COL22A1: variants seen among roughly 807,000 people sequenced by gnomAD.
COL22A1 encodes collagen alpha-1(XXII) chain.
In COL22A1, 221 loss-of-function variants were observed where a neutral mutation model predicts 248.9. The observed-to-expected ratio is 0.89, with a 90% CI of 0.80 to 0.99. COL22A1 has a LOEUF of 0.99. Ranked by LOEUF, COL22A1 falls within the 50% of genes least tolerant of loss-of-function variation. The pLI is 0.00. For synonymous variants in COL22A1, 891 were observed against 793.4 expected, an observed-to-expected ratio of 1.12 and a Z score of -2.07; for missense variants, 2,240 against 2,179.0, an observed-to-expected ratio of 1.03 and a Z score of -0.56.
intron 18 of COL22A1, among the ~76,000 whole-genome samples, chr8:138,756,507 GCCT>G (rs1281194478): frequency 1.3e-5 from 2 of 152,136 alleles, no homozygotes; most frequent in Admixed American, 6.5e-5. Flanking sequence ...TTTCTATGGT[GCCT>G]TATGGCTAAA....
intron 22 of COL22A1, among the ~76,000 whole-genome samples, chr8:138,743,723 T>C (rs1370139998): frequency 6.6e-6 from 1 of 152,216 alleles, no homozygotes; most frequent in African/African-American, 2.4e-5. Context: ...TTTAAATTGC[T>C]ACCCAGCACA....
In COL22A1 at chr8:138,594,125, C is replaced by T; in HGVS notation, c.4507G>A (p.Gly1503Arg). ...KSSQGRPGPPGPPGKDGLPGR... is the reference protein window; with the variant it reads ...KSSQGRPGPPRPPGKDGLPGR... ...GGAAGCCCATCTTTTCCAGGGGGCC[C>T]TGGGGGCCCAGGTCTGCCTTGAGAT... is the stretch of plus-strand genomic sequence containing the variant. Residue 1503 changes from glycine to arginine, a missense_variant, in exon 63 of 65, where the codon GGG (glycine) becomes AGG (arginine). Physicochemically the swap from Gly to Arg is moderately radical, Grantham distance 125. Transcript: ENST00000303045. The T allele has an allele frequency of 6.3e-7, 1 of 1,577,818 alleles. No homozygotes were observed. Among genetic ancestry groups the T allele is most frequent in the Non-Finnish European group, 8.6e-7 (1 of 1,168,894 alleles).
intron 39 of COL22A1, among the ~76,000 whole-genome samples, 154 bp downstream of exon 39, chr8:138,684,271 A>T (rs1323357180): frequency 1.3e-5 from 2 of 152,084 alleles, no homozygotes; most frequent in African/African-American, 4.8e-5. Flanking sequence ...AAAAAAAAAA[A>T]AAAAGTCCTA....
intron 27 of COL22A1, among the ~76,000 whole-genome samples, chr8:138,718,297 G>T (rs1829600330): frequency 6.6e-6 from 1 of 152,190 alleles, no homozygotes; most frequent in African/African-American, 2.4e-5. Flanking sequence ...AACCAGAATT[G>T]TGCAAATACT....
chr8:138,848,181 T>C (rs1195879995), intron 3 of COL22A1, among the ~76,000 whole-genome samples: 1 of 152,192 alleles, frequency 6.6e-6, no homozygotes, highest in Non-Finnish European at 1.5e-5. Flanking sequence ...ATTTTCCTTT[T>C]TGAAAACATG....
chr8:138,733,747 G>C (rs771830136), intron 23 of COL22A1, among the ~76,000 whole-genome samples: 5 of 152,156 alleles, frequency 3.3e-5, no homozygotes, highest in African/African-American at 4.8e-5. Flanking sequence ...CTGTGCTTTT[G>C]TTTGATGATG....
chr8:138,826,424 T>TGG (rs1280978132), intron 6 of COL22A1, among the ~76,000 whole-genome samples: 1 of 152,156 alleles, frequency 6.6e-6, no homozygotes, highest in East Asian at 1.9e-4. Context: ...AACTCAGTCT[T>TGG]CTTTACCCCC....
intron 12 of COL22A1, among the ~76,000 whole-genome samples, chr8:138,788,908 G>T (rs1049401609): frequency 6.6e-6 from 1 of 152,152 alleles, no homozygotes; most frequent in African/African-American, 2.4e-5. Flanking sequence ...GAAAGCAAAG[G>T]TTACAGGGCT....
At chr8:138,856,369 C>G (rs939502995) in intron 3 of COL22A1, among the ~76,000 whole-genome samples, 4 of 152,030 alleles carry the variant, frequency 2.6e-5, no homozygotes, top group African/African-American at 9.7e-5. Context: ...AGTGGGGGTG[C>G]TGGCCTTGGA....
chr8:138,866,627 C>T (rs1822916629), intron 3 of COL22A1, among the ~76,000 whole-genome samples: 1 of 152,232 alleles, frequency 6.6e-6, no homozygotes, highest in Admixed American at 6.5e-5. Context: ...CACCTATATG[C>T]TGCAGTCTCC....
At chr8:138,620,026 T>G (rs1243450247) in intron 52 of COL22A1, 1 of 165,842 alleles carries the variant, frequency 6.0e-6, no homozygotes, top group Non-Finnish European at 1.3e-5. Context: ...GGGCGACCTG[T>G]GACGTACACA....
At chr8:138,708,571 A>T (rs1828683997) in intron 30 of COL22A1, among the ~76,000 whole-genome samples, 1 of 152,222 alleles carries the variant, frequency 6.6e-6, no homozygotes, top group Non-Finnish European at 1.5e-5. Flanking sequence ...TGCTGGGAAA[A>T]CTGGCTAGCC....
chr8:138,613,344 C>T (rs1193754184), intron 56 of COL22A1, among the ~76,000 whole-genome samples: 3 of 152,054 alleles, frequency 2.0e-5, no homozygotes, highest in East Asian at 1.9e-4. Context: ...GGGTGGTGCC[C>T]CACAAGCCAA....
chr8:138,852,982 CA>C (rs1019994548), intron 3 of COL22A1, among the ~76,000 whole-genome samples: 1,613 of 138,234 alleles, frequency 0.012, 13 homozygotes, highest in African/African-American at 0.029. Flanking sequence ...ATATCTACTA[CA>C]AAAAAAAAAA....
At chr8:138,693,842 T>C in intron 34 of COL22A1, 143 bp from the exon 35 acceptor site, 1 of 816,108 alleles carries the variant, frequency 1.2e-6, no homozygotes, top group Non-Finnish European at 2.0e-6. Context: ...GTCTAAAAGG[T>C]GAAGAAAATC....
chr8:138,819,965 A>T (rs564067523), intron 7 of COL22A1, among the ~76,000 whole-genome samples: 1 of 152,164 alleles, frequency 6.6e-6, no homozygotes, highest in African/African-American at 2.4e-5. Flanking sequence ...GTGCATGGAG[A>T]TGTACCCCCC....
intron 18 of COL22A1, among the ~76,000 whole-genome samples, chr8:138,756,270 A>G (rs1429656575): frequency 1.3e-5 from 2 of 152,142 alleles, no homozygotes; most frequent in Non-Finnish European, 2.9e-5. Flanking sequence ...TCAGCATTCA[A>G]TAAGTATTTA....
chr8:138,873,533 C>T (rs1009540005), intron 3 of COL22A1, among the ~76,000 whole-genome samples: 3 of 152,234 alleles, frequency 2.0e-5, no homozygotes, highest in African/African-American at 4.8e-5. Flanking sequence ...TTTGCCCTTG[C>T]GAAGCTTATA....
At chr8:138,636,936 G>T in intron 47 of COL22A1, 141 bp from the exon 48 acceptor site, 1 of 720,052 alleles carries the variant, frequency 1.4e-6, no homozygotes, top group Non-Finnish European at 2.4e-6. Flanking sequence ...CAGGCACGGT[G>T]GCAGCAGATA....
Sources: allele counts gnomAD v4.1 joint callset (sites outside exome capture counted in the v4.1 genomes callset), GRCh38; gene constraint gnomAD v4.1.1; transcripts MANE v1.5; gene names NCBI Gene and HGNC (gene_info 2026-07-23, HGNC 2026-07-21).